The following ABR variants were observed in gnomAD, a reference collection of about 807,000 sequenced individuals.
The protein encoded by ABR is active breakpoint cluster region-related protein.
In ABR, 35 loss-of-function variants were observed where a neutral mutation model predicts 107.2. The observed-to-expected ratio is 0.33, with a 90% CI of 0.25 to 0.43. The LOEUF (loss-of-function observed/expected upper bound fraction) is 0.43. ABR is among the 20% of genes least tolerant of loss of function. The pLI is 1.00. For missense variants in ABR, 815 were observed against 1,115.2 expected, an observed-to-expected ratio of 0.73 and a Z score of 3.83; for synonymous variants, 498 against 462.0, an observed-to-expected ratio of 1.08 and a Z score of -1.00.
intron 16 of ABR, among the ~76,000 whole-genome samples, chr17:1,025,878 T>C (rs1407958174): frequency 6.6e-6 from 1 of 152,180 alleles, no homozygotes; most frequent in Admixed American, 6.5e-5. Flanking sequence ...ACGTGGAAGG[T>C]GCTCCGGCAA....
chr17:1,088,379 CA>C lies in ABR; in HGVS notation c.531+3285del, dbSNP rs201072945. ...TTCACCATCCCTGAACCGGAGGGAG[CA>C]GGGGGGGGTATGCTAGAACCAGAGT... On this transcript the variant is annotated intron_variant, in intron 4 of 22. Coordinates refer to ENST00000302538, the MANE Select transcript of ABR (RefSeq NM_021962.5). Among the ~76,000 whole-genome samples, 590 of 151,836 alleles carry C rather than the reference CA, an allele frequency of 3.9e-3. 22 individuals are homozygous for C. In the East Asian group the frequency reaches 0.09, roughly 23 times the overall value.
intron 1 of ABR, among the ~76,000 whole-genome samples, chr17:1,226,969 C>T (rs2043234020): frequency 6.6e-6 from 1 of 152,178 alleles, no homozygotes; most frequent in South Asian, 2.1e-4. Context: ...GAACATGTAG[C>T]TGTGCAGTGT....
At chr17:1,113,349 T>C (rs552935706) in intron 2 of ABR, among the ~76,000 whole-genome samples, 245 of 134,278 alleles carry the variant, frequency 1.8e-3, no homozygotes, top group African/African-American at 6.6e-3. Flanking sequence ...TGCAGTGGCA[T>C]GATCTCAGCT....
At chr17:1,097,865 C>T (rs972739927) in intron 3 of ABR, among the ~76,000 whole-genome samples, 12 of 152,084 alleles carry the variant, frequency 7.9e-5, no homozygotes, top group Non-Finnish European at 1.3e-4. Flanking sequence ...GAATGTCTGA[C>T]GGGTTGTCTC....
intron 16 of ABR, among the ~76,000 whole-genome samples, chr17:1,042,038 G>A (rs1403949620): frequency 2.0e-5 from 3 of 152,208 alleles, no homozygotes; most frequent in Admixed American, 6.5e-5. Flanking sequence ...ACAGCTGGGA[G>A]GCAGGTGGGG....
chr17:1,199,584 G>C (rs1034178760), intron 1 of ABR, among the ~76,000 whole-genome samples: 2 of 151,216 alleles, frequency 1.3e-5, no homozygotes, highest in African/African-American at 4.9e-5. Context: ...AAGTAGCTAG[G>C]ATTACAGACG....
upstream of ABR, among the ~76,000 whole-genome samples, chr17:1,190,431 C>T (rs1450824081): frequency 2.6e-5 from 4 of 152,122 alleles, no homozygotes; most frequent in South Asian, 2.1e-4. Context: ...GTCAGGAGTT[C>T]GAGACCAGCC....
At chr17:1,203,787 G>A (rs975237632) in intron 1 of ABR, among the ~76,000 whole-genome samples, 9 of 152,164 alleles carry the variant, frequency 5.9e-5, no homozygotes, top group East Asian at 1.9e-4. Flanking sequence ...GGGCGAAGGG[G>A]GCTCGGGCGC....
At chr17:1,181,117 A>C (rs2042120059), upstream of ABR, among the ~76,000 whole-genome samples, 2 of 152,240 alleles carry the variant, frequency 1.3e-5, no homozygotes, top group Non-Finnish European at 2.9e-5. Flanking sequence ...AGGAAGGTTA[A>C]GTCAGCCTGG....
Position 1,003,744 on chromosome 17 carries a change from T to C in ABR, c.*2336A>G, listed in dbSNP as rs114934263. 8.2e-3 allele frequency: 1,250 copies of C among 152,544 alleles called. 13 individuals are homozygous for C. Among genetic ancestry groups the C allele is most frequent in the African/African-American group, 0.022 (894 of 41,572 alleles). The allele number at this position is 152,544 out of a possible 1,614,324, so 9.4% of individuals were successfully genotyped here. A position where few individuals can be genotyped will look rare whatever the true frequency, so the allele number is the denominator to read the frequency against. ...ATTGCCCAGCAAGAACAGGCAGACC[T>C]GGCGTTTCTTAGCCTGACTCCTGCT... On this transcript the variant is annotated 3_prime_UTR_variant, in exon 23 of 23. Coordinates refer to ENST00000302538, the MANE Select transcript of ABR (RefSeq NM_021962.5).
Position 1,050,356 on chromosome 17 carries a change from G to C in ABR, c.1660-175C>G, listed in dbSNP as rs1445723083. Among the ~76,000 whole-genome samples the C allele has an allele frequency of 6.6e-6, 1 of 152,184 alleles. No individual in the cohort carries two copies. Among genetic ancestry groups the C allele is most frequent in the Non-Finnish European group, 1.5e-5 (1 of 68,022 alleles). On this transcript the variant is annotated intron_variant, in intron 15 of 22. Coordinates refer to ENST00000302538, the MANE Select transcript of ABR (RefSeq NM_021962.5). This position sits in a 1 kb window ranked among gnomAD's most constrained non-coding sequence, Gnocchi z 4.6. ...CATCACCCCTGGAGTCTGGGGGCCTGAGCTGACACCACAGGGTCTGACACC... is the reference window on the plus strand; with the variant it reads ...CATCACCCCTGGAGTCTGGGGGCCTCAGCTGACACCACAGGGTCTGACACC...
intron 6 of ABR, among the ~76,000 whole-genome samples, chr17:1,076,069 T>C (rs761376130): frequency 2.0e-5 from 3 of 152,180 alleles, no homozygotes; most frequent in Non-Finnish European, 4.4e-5. Flanking sequence ...AGACAAGGTC[T>C]CACTATGTTG....
At chr17:1,178,784 A>C (rs993125034) in intron 1 of ABR, among the ~76,000 whole-genome samples, 1 of 151,440 alleles carries the variant, frequency 6.6e-6, no homozygotes, top group Non-Finnish European at 1.5e-5. Flanking sequence ...AGCTTTCGGG[A>C]AAGGTGTCTC....
chr17:1,160,791 G>A (rs1281199364), intron 1 of ABR, among the ~76,000 whole-genome samples: 2 of 152,186 alleles, frequency 1.3e-5, no homozygotes, highest in African/African-American at 4.8e-5. Flanking sequence ...GAGGACAGAC[G>A]TGGCGCATCT....
At chr17:1,145,933 C>T (rs2040507276) in intron 1 of ABR, among the ~76,000 whole-genome samples, 1 of 152,228 alleles carries the variant, frequency 6.6e-6, no homozygotes, top group Admixed American at 6.5e-5. Flanking sequence ...TGGCCTTCGG[C>T]TCAAAATGCT....
intron 1 of ABR, among the ~76,000 whole-genome samples, chr17:1,134,815 T>C (rs1351510339): frequency 3.3e-5 from 5 of 152,216 alleles, no homozygotes; most frequent in Non-Finnish European, 7.3e-5. Context: ...CAGCCCACGC[T>C]CTGGCACTTC....
chr17:1,196,603 G>C (rs563768555), intron 1 of ABR, among the ~76,000 whole-genome samples: 3 of 144,616 alleles, frequency 2.1e-5, no homozygotes, highest in South Asian at 2.2e-4. Context: ...CACACACACA[G>C]AACTTTCTGA....
intron 2 of ABR, among the ~76,000 whole-genome samples, chr17:1,117,038 G>T (rs1171712895): frequency 6.6e-6 from 1 of 152,168 alleles, no homozygotes; most frequent in African/African-American, 2.4e-5. Flanking sequence ...CGAATCCCAA[G>T]CCCTAAGCCT....
At chr17:1,043,255 C>T (rs1480531759) in intron 16 of ABR, among the ~76,000 whole-genome samples, 1 of 152,058 alleles carries the variant, frequency 6.6e-6, no homozygotes, top group Non-Finnish European at 1.5e-5. Context: ...GCAACCTCTG[C>T]CTCCCAGGTT....
Sources: gnomAD v4.1 joint callset for allele counts (sites outside exome capture counted in the v4.1 genomes callset) on GRCh38, gnomAD v4.1.1 for gene constraint, Gnocchi (gnomAD v3.1) non-coding constraint, MANE v1.5 for transcripts, NCBI Gene and HGNC (gene_info 2026-07-23, HGNC 2026-07-21) for gene names.